The following EPB41L4A variants were observed in gnomAD, a reference collection of about 807,000 sequenced individuals.
EPB41L4A encodes the protein erythrocyte membrane protein band 4.1 like 4A.
In EPB41L4A, 100 loss-of-function variants were observed where a neutral mutation model predicts 108.6. The observed-to-expected ratio is 0.92, with a 90% CI of 0.78 to 1.09. The LOEUF is 1.09. Among genes scored for constraint, EPB41L4A ranks in the 50% least tolerant of loss-of-function variants. The probability of loss-of-function intolerance (pLI) is 0.00; values close to 1 mark genes in which losing one functional copy is unlikely to be tolerated. For synonymous variants in EPB41L4A, 319 were observed against 289.0 expected (o/e 1.10, Z -1.05); for missense variants, 1,030 against 842.7 (o/e 1.22, Z -2.75).
chr5:112,235,161 C>T (rs1749240652), intron 11 of EPB41L4A, among the ~76,000 whole-genome samples: 1 of 152,164 alleles, frequency 6.6e-6, no homozygotes, highest in South Asian at 2.1e-4. Flanking sequence ...AAACCATCCC[C>T]CACAAGACCA....
intron 18 of EPB41L4A, among the ~76,000 whole-genome samples, chr5:112,171,304 C>A (rs565926475): frequency 1.3e-5 from 2 of 152,176 alleles, no homozygotes; most frequent in Non-Finnish European, 2.9e-5. Context: ...TGATTCAGGG[C>A]GTCTGTTTCT....
Position 112,307,445 on chromosome 5 carries a change from C to G in EPB41L4A, c.145G>C (p.Val49Leu). The G allele has an allele frequency of 6.2e-7, 1 of 1,613,216 alleles. No individual in the cohort carries two copies. Among genetic ancestry groups the G allele is most frequent in the Non-Finnish European group, 8.5e-7 (1 of 1,179,334 alleles). The change falls in exon 2 of 23, where the codon GTA (valine) becomes CTA (leucine). Residue 49 changes from valine (V) to leucine (L), a missense_variant. Physicochemically the swap from Val to Leu is conservative, Grantham distance 32 (BLOSUM62 1). Coordinates refer to ENST00000261486, the MANE Select transcript of EPB41L4A (RefSeq NM_022140.5). ...AAATAATCTATCTCCACAAGGTTTA[C>G]GTGATGGAATACGTGGTCAAGGACA... ...SVVLDHVFHHVNLVEIDYFGL... is the reference protein window; with the variant it reads ...SVVLDHVFHHLNLVEIDYFGL...
intron 14 of EPB41L4A, among the ~76,000 whole-genome samples, chr5:112,205,043 T>G (rs556246170): frequency 6.6e-6 from 1 of 152,336 alleles, no homozygotes; most frequent in Admixed American, 6.5e-5. Flanking sequence ...TTTTTAGGAA[T>G]AAAGGTCTTC....
intron 12 of EPB41L4A, among the ~76,000 whole-genome samples, chr5:112,146,772 C>G (rs766478395): frequency 6.6e-6 from 1 of 152,130 alleles, no homozygotes; most frequent in Non-Finnish European, 1.5e-5. Context: ...GACTGAAGCA[C>G]CAGCTTTATC....
At chr5:112,161,815 T>G (rs150430305), downstream of EPB41L4A, 3 of 297,256 alleles carry the variant, frequency 1.0e-5, no homozygotes, top group Non-Finnish European at 2.0e-5. Context: ...AATGGGAATT[T>G]TTATCACCTT....
At chr5:112,241,477 G>T (rs1331549823) in intron 9 of EPB41L4A, among the ~76,000 whole-genome samples, 1 of 152,100 alleles carries the variant, frequency 6.6e-6, no homozygotes, top group Non-Finnish European at 1.5e-5. Context: ...AAACAACATT[G>T]AAGGTACAAA....
chr5:112,204,639 A>C (rs1762383600), intron 14 of EPB41L4A, 151 bp from the exon 15 acceptor site: 5 of 496,808 alleles, frequency 1.0e-5, no homozygotes, highest in Non-Finnish European at 1.8e-5. Context: ...AAGATTTATT[A>C]AAAGAAAAGA....
chr5:112,145,044 C>A (rs760511198), intron 13 of EPB41L4A, among the ~76,000 whole-genome samples: 1 of 152,192 alleles, frequency 6.6e-6, no homozygotes, highest in Non-Finnish European at 1.5e-5. Flanking sequence ...AATCCCGGCA[C>A]TTTGGGAGGC....
intron 1 of EPB41L4A, among the ~76,000 whole-genome samples, chr5:112,354,391 A>C (rs1037094538): frequency 1.3e-5 from 2 of 152,128 alleles, no homozygotes; most frequent in African/African-American, 4.8e-5. Flanking sequence ...ATAAGTAATA[A>C]AGGGAAAATA....
chr5:112,251,735 A>C (rs1362830312), intron 9 of EPB41L4A, among the ~76,000 whole-genome samples: 2 of 152,188 alleles, frequency 1.3e-5, no homozygotes, highest in South Asian at 4.1e-4. Context: ...CCTTCTACAT[A>C]TTAAAAAATA....
At chr5:112,323,503 G>T (rs930851723) in intron 1 of EPB41L4A, among the ~76,000 whole-genome samples, 3 of 152,162 alleles carry the variant, frequency 2.0e-5, no homozygotes, top group African/African-American at 7.2e-5. Context: ...GTTTCTTACA[G>T]AACTTTCCAA....
intron 1 of EPB41L4A, among the ~76,000 whole-genome samples, chr5:112,356,007 T>C (rs1050582824): frequency 3.9e-5 from 6 of 152,214 alleles, no homozygotes; most frequent in African/African-American, 2.4e-5. Flanking sequence ...GAATGTATTA[T>C]TGCAGTAAAT....
intron 1 of EPB41L4A, among the ~76,000 whole-genome samples, chr5:112,389,735 T>C (rs1183304549): frequency 1.3e-5 from 2 of 152,236 alleles, no homozygotes; most frequent in African/African-American, 2.4e-5. Flanking sequence ...GGTTGCCCAA[T>C]TCCAGAATTG....
intron 12 of EPB41L4A, among the ~76,000 whole-genome samples, chr5:112,231,405 G>T (rs1040572901): frequency 1.3e-5 from 2 of 152,110 alleles, no homozygotes; most frequent in African/African-American, 4.8e-5. Flanking sequence ...CTTTCTTTTT[G>T]GGAGAGAAGA....
chr5:112,318,770 T>C (rs1026807475), intron 1 of EPB41L4A, among the ~76,000 whole-genome samples: 11 of 152,204 alleles, frequency 7.2e-5, no homozygotes, highest in Non-Finnish European at 1.2e-4. Flanking sequence ...CCCAGAAATA[T>C]GGACTCTCAC....
chr5:112,320,843 G>A (rs1017450739), intron 1 of EPB41L4A, among the ~76,000 whole-genome samples: 1 of 152,112 alleles, frequency 6.6e-6, no homozygotes, highest in African/African-American at 2.4e-5. Context: ...CTGCTAAGTG[G>A]GAAATGGGCT....
intron 17 of EPB41L4A, among the ~76,000 whole-genome samples, chr5:112,192,571 A>G (rs2150256969): frequency 6.6e-6 from 1 of 152,342 alleles, no homozygotes; most frequent in South Asian, 2.1e-4. Flanking sequence ...ATTCTAAAAT[A>G]TACTTTTTAC....
rs879325386 is a variant in EPB41L4A at position 112,293,733 on chromosome 5, G to A, written c.205-13410C>T. ...GCATGCAGTGCAAGAAGCGACTTTG[G>A]GGGAGCCGTTTGGGAGGCTCCCCTC... On this transcript the variant is annotated intron_variant, in intron 2 of 22. Transcript: ENST00000261486. Among the ~76,000 whole-genome samples the A allele has an allele frequency of 6.6e-5, 10 of 152,196 alleles. No homozygotes were observed. In the South Asian group the frequency reaches 1.5e-3, roughly 22 times the overall value.
intron 12 of EPB41L4A, among the ~76,000 whole-genome samples, chr5:112,149,025 A>C (rs1759368107): frequency 6.6e-6 from 1 of 152,118 alleles, no homozygotes; most frequent in Non-Finnish European, 1.5e-5. Context: ...AGGAGTTAAT[A>C]CTCCTTCACT....
Sources: gnomAD v4.1 joint callset for allele counts (sites outside exome capture counted in the v4.1 genomes callset) on GRCh38, gnomAD v4.1.1 for gene constraint, MANE v1.5 for transcripts, NCBI Gene and HGNC (gene_info 2026-07-23, HGNC 2026-07-21) for gene names.